Variants in CAB39 observed in about 807,000 individuals in gnomAD.
The protein encoded by CAB39 is calcium binding protein 39, also known as calcium-binding protein 39.
In CAB39, 8 loss-of-function variants were observed where a neutral mutation model predicts 40.0. The ratio of observed to expected loss-of-function variants is 0.20; its 90% CI spans 0.12 to 0.36. The LOEUF is 0.36. CAB39 is among the 10% of genes least tolerant of loss of function. CAB39 has a pLI of 1.00. For synonymous variants in CAB39, 156 were observed against 141.6 expected (o/e 1.10, Z -0.72); for missense variants, 270 against 401.1 (o/e 0.67, Z 2.79).
intron 7 of CAB39, among the ~76,000 whole-genome samples, chr2:230,815,594 C>G (rs1452576880): frequency 6.6e-6 from 1 of 152,100 alleles, no homozygotes; most frequent in Non-Finnish European, 1.5e-5. Flanking sequence ...GAAGCTGGGG[C>G]CGGGGGTGCA....
chr2:230,751,329 C>T (rs1023982238), intron 1 of CAB39, among the ~76,000 whole-genome samples: 1 of 152,194 alleles, frequency 6.6e-6, no homozygotes, highest in Non-Finnish European at 1.5e-5. Context: ...TAAACACATA[C>T]GCCCACATCC....
intron 6 of CAB39, among the ~76,000 whole-genome samples, chr2:230,811,229 C>G (rs370450464): frequency 6.6e-6 from 1 of 152,170 alleles, no homozygotes. Context: ...ATTAATACTT[C>G]ATTATTCACT....
At chr2:230,758,391 A>G (rs914675242) in intron 1 of CAB39, among the ~76,000 whole-genome samples, 4 of 152,200 alleles carry the variant, frequency 2.6e-5, no homozygotes, top group African/African-American at 9.7e-5. Flanking sequence ...TTGTCAAAAA[A>G]GGATTTACAA....
chr2:230,741,279 T>C (rs1043447909), intron 1 of CAB39, among the ~76,000 whole-genome samples: 1 of 152,354 alleles, frequency 6.6e-6, no homozygotes, highest in East Asian at 1.9e-4. Flanking sequence ...ACATGTCTTA[T>C]TAGACTGTTG....
chr2:230,775,691 C>T (rs1301278297), intron 2 of CAB39, among the ~76,000 whole-genome samples: 3 of 152,160 alleles, frequency 2.0e-5, no homozygotes, highest in East Asian at 1.9e-4. Flanking sequence ...TTGGAGTTAA[C>T]GTTTTCCTCA....
intron 2 of CAB39, among the ~76,000 whole-genome samples, chr2:230,786,020 C>T (rs1244310998): frequency 2.0e-5 from 3 of 151,416 alleles, no homozygotes; most frequent in Admixed American, 6.6e-5. Context: ...AAAAATTAGC[C>T]GGGTGTTGTG....
intron 5 of CAB39, among the ~76,000 whole-genome samples, chr2:230,801,995 G>GA (rs1696098768): frequency 1.3e-5 from 2 of 152,016 alleles, no homozygotes; most frequent in African/African-American, 4.8e-5. Context: ...AGGAGATGGA[G>GA]AGGGGCATTA....
chr2:230,782,845 G>A (rs1212933024), intron 2 of CAB39, among the ~76,000 whole-genome samples: 1 of 115,300 alleles, frequency 8.7e-6, no homozygotes, highest in African/African-American at 4.5e-5. Flanking sequence ...GAAGAAGGGA[G>A]TCTCCCTCTC....
chr2:230,749,341 T>A (rs1211137318), intron 1 of CAB39, among the ~76,000 whole-genome samples: 1 of 152,166 alleles, frequency 6.6e-6, no homozygotes, highest in Non-Finnish European at 1.5e-5. Context: ...CGTCCCTGGC[T>A]CATCTTGGGT....
chr2:230,799,716 C>T (rs1696052235), intron 5 of CAB39, among the ~76,000 whole-genome samples: 2 of 152,174 alleles, frequency 1.3e-5, no homozygotes, highest in Non-Finnish European at 2.9e-5. Flanking sequence ...ACTTGCCAGG[C>T]GCAGTGGCTC....
At chr2:230,756,970 C>T (rs1402941949) in intron 1 of CAB39, among the ~76,000 whole-genome samples, 16 of 152,168 alleles carry the variant, frequency 1.1e-4, no homozygotes, top group East Asian at 5.8e-4. Context: ...GGATTACAGG[C>T]GTGAGCCACC....
At chr2:230,730,189 A>T (rs1196147138) in intron 1 of CAB39, among the ~76,000 whole-genome samples, 3 of 152,150 alleles carry the variant, frequency 2.0e-5, no homozygotes, top group African/African-American at 4.8e-5. Flanking sequence ...GGTTCACTTC[A>T]GCCTCGACCT....
intron 2 of CAB39, among the ~76,000 whole-genome samples, chr2:230,781,929 A>G (rs972348664): frequency 3.3e-5 from 5 of 152,090 alleles, no homozygotes; most frequent in East Asian, 1.9e-4. Flanking sequence ...CAGTGGCTCA[A>G]TCTCGGCTCA....
chr2:230,772,057 A>T (rs1013087840), intron 2 of CAB39, among the ~76,000 whole-genome samples: 30 of 152,220 alleles, frequency 2.0e-4, no homozygotes, highest in East Asian at 1.3e-3. Flanking sequence ...AATTCATTTT[A>T]AAAAAAATGA....
intron 5 of CAB39, among the ~76,000 whole-genome samples, chr2:230,801,769 T>A (rs1019062041): frequency 2.6e-5 from 4 of 151,810 alleles, no homozygotes; most frequent in Middle Eastern, 3.2e-3. Flanking sequence ...CTCAGGAGGC[T>A]GAGGCATAAG....
At chr2:230,780,811 A>G (rs752350800) in intron 2 of CAB39, among the ~76,000 whole-genome samples, 1 of 152,186 alleles carries the variant, frequency 6.6e-6, no homozygotes, top group Non-Finnish European at 1.5e-5. Flanking sequence ...AGCCAGGCTC[A>G]GTGGCTCATG....
intron 1 of CAB39, among the ~76,000 whole-genome samples, chr2:230,740,411 A>G (rs780244453): frequency 6.6e-6 from 1 of 152,250 alleles, no homozygotes; most frequent in African/African-American, 2.4e-5. Context: ...GCCATACTAC[A>G]TACTGAGTCT....
At chr2:230,713,986 C>T (rs1694302651) in intron 1 of CAB39, 1 of 152,472 alleles carries the variant, frequency 6.6e-6, no homozygotes, top group Admixed American at 6.5e-5. Context: ...ACCTGGAAGG[C>T]TTCCTGGGCG....
At chr2:230,730,014 A>T (rs962866231) in intron 1 of CAB39, among the ~76,000 whole-genome samples, 5 of 152,236 alleles carry the variant, frequency 3.3e-5, no homozygotes, top group Admixed American at 1.3e-4. Flanking sequence ...CAGATATTTT[A>T]AAAAGTTGAC....
Sources: allele counts gnomAD v4.1 joint callset (sites outside exome capture counted in the v4.1 genomes callset), GRCh38; gene constraint gnomAD v4.1.1; transcripts MANE v1.5; gene names NCBI Gene and HGNC (gene_info 2026-07-23, HGNC 2026-07-21).